Variants in GOLGA4 observed in about 807,000 individuals in gnomAD.
GOLGA4 encodes the protein golgin A4.
In GOLGA4, 169 loss-of-function variants were observed where a neutral mutation model predicts 265.9. The ratio of observed to expected loss-of-function variants is 0.64; its 90% CI spans 0.56 to 0.72. The LOEUF is 0.72. GOLGA4 is among the 30% of genes least tolerant of loss of function. The probability of loss-of-function intolerance (pLI) is 0.00; values close to 1 mark genes in which losing one functional copy is unlikely to be tolerated. For synonymous variants in GOLGA4, 923 were observed against 855.8 expected (o/e 1.08, Z -1.37); for missense variants, 2,482 against 2,483.4 (o/e 1.00, Z 0.01).
At chr3:37,311,292 C>T (rs546394076) in intron 10 of GOLGA4, among the ~76,000 whole-genome samples, 1 of 152,246 alleles carries the variant, frequency 6.6e-6, no homozygotes, top group South Asian at 2.1e-4. Context: ...AAATGCCTTT[C>T]CCCACCACTG....
chr3:37,244,762 AAC>A (rs1390347908), intron 1 of GOLGA4, among the ~76,000 whole-genome samples: 3 of 152,368 alleles, frequency 2.0e-5, no homozygotes, highest in East Asian at 1.9e-4. Flanking sequence ...AAAACATCAG[AAC>A]ACAACACTGA....
At chr3:37,262,644 T>C (rs920795631) in intron 2 of GOLGA4, among the ~76,000 whole-genome samples, 9 of 152,170 alleles carry the variant, frequency 5.9e-5, no homozygotes, top group Non-Finnish European at 1.2e-4. Flanking sequence ...GGCTCATGCC[T>C]GTAATCCCAG....
At chr3:37,292,436 C>A (rs997353645) in intron 5 of GOLGA4, among the ~76,000 whole-genome samples, 1 of 152,160 alleles carries the variant, frequency 6.6e-6, no homozygotes, top group African/African-American at 2.4e-5. Flanking sequence ...GCCTGTAATC[C>A]CAGCACTTTG....
chr3:37,318,389 G>A (rs1042413606), intron 11 of GOLGA4, among the ~76,000 whole-genome samples: 8 of 152,086 alleles, frequency 5.3e-5, no homozygotes, highest in Admixed American at 5.2e-4. Context: ...AGTATTAAAT[G>A]TGAGTTTTTC....
rs1222221704 is a variant in GOLGA4, at chr3:37,324,772, A to G, written c.2886A>G (p.Lys962=). ...QEKKMEKVKQ[K]AKEMQETLKK... is the part of the protein sequence containing the mutation. ...AAAAGATGGAAAAAGTTAAGCAGAA[A>G]GCAAAGGAGATGCAAGAAACGTTAA... Residue 962 remains lysine, a synonymous_variant, in exon 14 of 24, where the codon AAA becomes AAG. Coordinates refer to ENST00000361924, the MANE Select transcript of GOLGA4 (RefSeq NM_002078.5). 6.3e-7 allele frequency: 1 copy of G among 1,586,470 alleles called. No homozygotes were observed. The highest frequency in any genetic ancestry group is 1.9e-5 in the Admixed American group (1 of 51,550).
chr3:37,283,341 A>G (rs2096839799), intron 3 of GOLGA4, among the ~76,000 whole-genome samples: 1 of 152,174 alleles, frequency 6.6e-6, no homozygotes, highest in African/African-American at 2.4e-5. Flanking sequence ...TTGTAGAATC[A>G]AGCACCTTTT....
intron 2 of GOLGA4, among the ~76,000 whole-genome samples, chr3:37,276,811 A>G (rs1190945486): frequency 1.3e-5 from 2 of 152,184 alleles, no homozygotes; most frequent in African/African-American, 4.8e-5. Flanking sequence ...ACCTGTTTCA[A>G]AACATATTTT....
At chr3:37,297,196 A>G (rs1253858982) in intron 7 of GOLGA4, among the ~76,000 whole-genome samples, 1 of 152,238 alleles carries the variant, frequency 6.6e-6, no homozygotes, top group East Asian at 1.9e-4. Flanking sequence ...CTTGAGGTAT[A>G]TACGCAATAA....
intron 2 of GOLGA4, among the ~76,000 whole-genome samples, chr3:37,262,966 TAA>T (rs1373453604): frequency 4.6e-5 from 7 of 152,218 alleles, no homozygotes; most frequent in African/African-American, 1.7e-4. Flanking sequence ...GCCAGTGGTA[TAA>T]AAGCTCACAG....
At position 37,248,105 on chromosome 3, in the gene GOLGA4, A is replaced by G. The variant is rs574894684; in HGVS notation, c.73-3290A>G. Among the ~76,000 whole-genome samples the G allele has an allele frequency of 6.6e-5, 10 of 152,294 alleles. No homozygotes were observed. The East Asian group carries it at 1.9e-3, about 29-fold the overall frequency. ...CACAGGGCAGGGGTCATTTGGGGTC[A>G]TCTTACAGTTTTGCTTATCACAATG... On this transcript the variant is annotated intron_variant, in intron 1 of 23. Transcript: ENST00000361924.
chr3:37,294,767 C>T (rs770954155), intron 5 of GOLGA4, among the ~76,000 whole-genome samples: 1 of 152,058 alleles, frequency 6.6e-6, no homozygotes, highest in Non-Finnish European at 1.5e-5. Flanking sequence ...CTTTTTTCTT[C>T]TTGGATCTTC....
Position 37,325,598 on chromosome 3 carries a change from A to T in GOLGA4, c.3712A>T (p.Ile1238Phe). 1 of 1,613,360 alleles carries T rather than the reference A, an allele frequency of 6.2e-7. No individual in the cohort carries two copies. The highest frequency in any genetic ancestry group is 8.5e-7 in the Non-Finnish European group (1 of 1,179,310). The change falls in exon 14 of 24, where the codon ATT becomes TTT. Residue 1238 changes from isoleucine to phenylalanine, a missense_variant. By Grantham distance (21) the Ile-to-Phe change is conservative. Around this residue, in one of 3 missense-constraint regions of GOLGA4, gnomAD observed 1,536 missense variants for 1,483.7 expected, o/e 1.04. Coordinates refer to ENST00000361924, the MANE Select transcript of GOLGA4 (RefSeq NM_002078.5). ...LEAKTNELIN[I>F]SSSKTNAILS... ...AGCTAAAACAAATGAGCTAATCAAC[A>T]TTAGTAGTAGTAAAACTAATGCCAT...
chr3:37,307,816 C>T (rs781017552), intron 10 of GOLGA4, among the ~76,000 whole-genome samples: 5 of 152,144 alleles, frequency 3.3e-5, no homozygotes, highest in Non-Finnish European at 5.9e-5. Flanking sequence ...TTTAAAAACA[C>T]GTTTCTTTGG....
At chr3:37,322,280 A>G (rs961255655) in intron 13 of GOLGA4, among the ~76,000 whole-genome samples, 11 of 152,116 alleles carry the variant, frequency 7.2e-5, no homozygotes, top group African/African-American at 2.7e-4. Context: ...GCCTCTGCTT[A>G]TATCACAGTT....
intron 2 of GOLGA4, among the ~76,000 whole-genome samples, chr3:37,275,460 G>A (rs1253686754): frequency 6.6e-6 from 1 of 152,160 alleles, no homozygotes; most frequent in African/African-American, 2.4e-5. Flanking sequence ...CCATGAAGTA[G>A]GGGTAAAATA....
chr3:37,276,868 T>G (rs2096820804), intron 2 of GOLGA4, among the ~76,000 whole-genome samples: 1 of 152,220 alleles, frequency 6.6e-6, no homozygotes, highest in African/African-American at 2.4e-5. Context: ...CTTGGCAATA[T>G]TTCTTCTTTC....
At chr3:37,334,980 T>C in intron 16 of GOLGA4, 73 bp from the exon 17 acceptor site, 1 of 893,468 alleles carries the variant, frequency 1.1e-6, no homozygotes, top group Non-Finnish European at 1.7e-6. Context: ...TCCAGAGTGC[T>C]TTTTTGATGT....
Position 37,296,236 on chromosome 3 carries a change from C to G in GOLGA4, c.814+17C>G, listed in dbSNP as rs771201802. ...AGCCAGTAGGTAAGCTTCATTTTGT[C>G]AAAAGGTTAATTTAAAAACTAGAGG... On this transcript the variant is annotated intron_variant, in intron 7 of 23. Coordinates refer to ENST00000361924, the MANE Select transcript of GOLGA4 (RefSeq NM_002078.5). 6.8e-6 allele frequency: 11 copies of G among 1,612,804 alleles called. No homozygotes were observed. In the Admixed American group the frequency reaches 1.5e-4, roughly 22 times the overall value.
intron 20 of GOLGA4, among the ~76,000 whole-genome samples, chr3:37,343,521 A>G (rs2097046021): frequency 6.6e-6 from 1 of 152,206 alleles, no homozygotes; most frequent in African/African-American, 2.4e-5. Context: ...CGGCCTGGCC[A>G]GGCTGGTTTT....
Sources: gnomAD v4.1 joint callset for allele counts (sites outside exome capture counted in the v4.1 genomes callset) on GRCh38, gnomAD v4.1.1 for gene constraint, gnomAD v4.1.1 regional missense constraint, MANE v1.5 for transcripts, NCBI Gene and HGNC (gene_info 2026-07-23, HGNC 2026-07-21) for gene names.